Variants in EXT2 observed in about 807,000 individuals in gnomAD.
EXT2 encodes the protein exostosin-2.
A neutral mutation model predicts 81.6 loss-of-function variants in EXT2; 53 were observed. The ratio of observed to expected loss-of-function variants is 0.65; its 90% CI spans 0.52 to 0.82. EXT2 has a LOEUF of 0.82. EXT2 is among the 40% of genes least tolerant of loss of function. The pLI is 0.00. For synonymous variants in EXT2, 320 were observed against 340.0 expected (o/e 0.94, Z 0.65); for missense variants, 774 against 910.2 (o/e 0.85, Z 1.93).
intron 7 of EXT2, among the ~76,000 whole-genome samples, chr11:44,156,185 A>G (rs570718450): frequency 1.3e-5 from 2 of 152,082 alleles, no homozygotes; most frequent in Non-Finnish European, 2.9e-5. Context: ...AAGTGTGATT[A>G]TTAAATGACT....
chr11:44,210,841 T>C (rs1011108004), intron 10 of EXT2, among the ~76,000 whole-genome samples: 54 of 152,226 alleles, frequency 3.5e-4, no homozygotes, highest in African/African-American at 1.3e-3. Flanking sequence ...AGATATACCA[T>C]GCTTGTGGAT....
At chr11:44,239,502 C>T (rs1294809972) in intron 13 of EXT2, among the ~76,000 whole-genome samples, 6 of 149,658 alleles carry the variant, frequency 4.0e-5, no homozygotes, top group Non-Finnish European at 7.4e-5. Context: ...AAGTGATTCT[C>T]CTGCCTCCAC....
At chr11:44,127,008 A>T (rs1157842557) in intron 6 of EXT2, 53 bp downstream of exon 6, 2 of 1,602,360 alleles carry the variant, frequency 1.2e-6, no homozygotes, top group Non-Finnish European at 1.7e-6. Flanking sequence ...GTATATTACA[A>T]ATAAAATCTC....
chr11:44,103,407 A>T (rs1954013484), intron 1 of EXT2, among the ~76,000 whole-genome samples: 1 of 152,214 alleles, frequency 6.6e-6, no homozygotes, highest in Non-Finnish European at 1.5e-5. Context: ...CCTCTGGAAA[A>T]TGGAAGTGAA....
At position 44,250,588 on chromosome 11, in the gene EXT2, G is replaced by A. The variant is rs1459450139; in HGVS notation, c.*6301G>A. ...CCCGTCAGGGTGGATTACCAAATGA[G>A]CAGTTCTCTTGCCCCAGTCCCTTTC... On this transcript the variant is annotated 3_prime_UTR_variant, in exon 14 of 14. Transcript: ENST00000533608. Among the ~76,000 whole-genome samples, 1 of 152,178 alleles carries A rather than the reference G, an allele frequency of 6.6e-6. No individual in the cohort carries two copies. The highest frequency in any genetic ancestry group is 2.4e-5 in the African/African-American group (1 of 41,434).
rs1462766582 is a variant in EXT2, at chr11:44,109,273, C to G, written c.616C>G (p.Pro206Ala). 1 of 1,613,940 alleles carries G rather than the reference C, an allele frequency of 6.2e-7. No individual in the cohort carries two copies. Among genetic ancestry groups the G allele is most frequent in the East Asian group, 2.2e-5 (1 of 44,872 alleles). The part of the protein sequence containing the change: ...PPDYNTALDV[P>A]RDRALLAGGG... ...AGATTATAACACAGCCCTGGATGTC[C>G]CCAGAGACAGGTAGGAGGCATATTT... The change falls in exon 3 of 14, where the codon CCC becomes GCC. Residue 206 changes from proline to alanine, a missense_variant. By Grantham distance (27) the Pro-to-Ala change is conservative. Coordinates refer to ENST00000533608, the MANE Select transcript of EXT2 (RefSeq NM_207122.2).
chr11:44,129,029 C>T (rs571851528), intron 6 of EXT2, among the ~76,000 whole-genome samples: 3 of 152,264 alleles, frequency 2.0e-5, no homozygotes, highest in South Asian at 2.1e-4. Flanking sequence ...TGCCAAATGT[C>T]GTGAAGGAAA....
rs1211529431 is a variant in EXT2 at position 44,237,918 on chromosome 11, A to AAC, written c.2018+1544_2018+1545insCA. ...GTCTCTACTTAAAAAAAAAAAAAAA[A>AAC]AAAAAAAAAAAACATACAAAGTTAG... On this transcript the variant is annotated intron_variant, in intron 13 of 13. Transcript: ENST00000533608. Among the ~76,000 whole-genome samples, 47 of 144,896 alleles carry AAC rather than the reference A, an allele frequency of 3.2e-4. 1 individual carries two copies. The highest frequency in any genetic ancestry group is 3.0e-3 in the East Asian group (14 of 4,730).
At chr11:44,217,130 T>G (rs1431996604) in intron 10 of EXT2, among the ~76,000 whole-genome samples, 1 of 151,624 alleles carries the variant, frequency 6.6e-6, no homozygotes, top group Non-Finnish European at 1.5e-5. Flanking sequence ...TGTGAAGATC[T>G]TAGGATCATC....
In EXT2 at chr11:44,169,221, A is replaced by AAAAT. The variant is rs918963601; in HGVS notation, c.1174-2371_1174-2368dup. On this transcript the variant is annotated intron_variant, in intron 7 of 13. Coordinates refer to ENST00000533608, the MANE Select transcript of EXT2 (RefSeq NM_207122.2). ...GGTGACAGAGTGAGACTCTGTCTCA[A>AAAAT]AAATAAATAAATAAATAAATAATAA... 3.9e-5 allele frequency among the ~76,000 whole-genome samples: 6 copies of AAAAT among 152,006 alleles called. No homozygotes were observed. The South Asian group carries it at 6.2e-4, about 16-fold the overall frequency.
intron 10 of EXT2, among the ~76,000 whole-genome samples, chr11:44,228,610 G>C (rs1200095841): frequency 2.6e-5 from 4 of 152,178 alleles, no homozygotes; most frequent in Non-Finnish European, 5.9e-5. Context: ...ATTGTATCCA[G>C]CTGCTTGGAA....
intron 7 of EXT2, among the ~76,000 whole-genome samples, chr11:44,132,377 C>G (rs1182734716): frequency 6.6e-6 from 1 of 152,214 alleles, no homozygotes; most frequent in Non-Finnish European, 1.5e-5. Context: ...GAATGCTGGT[C>G]ATTTAAAACA....
chr11:44,109,807 A>G (rs1390638271), intron 3 of EXT2, among the ~76,000 whole-genome samples: 1 of 152,094 alleles, frequency 6.6e-6, no homozygotes, highest in Non-Finnish European at 1.5e-5. Flanking sequence ...TTCCTTCCAG[A>G]AAAACCTTCC....
chr11:44,124,794 G>A lies in EXT2; in HGVS notation c.749G>A (p.Arg250Gln), dbSNP rs770821909. 1.4e-5 allele frequency: 22 copies of A among 1,613,732 alleles called. No homozygotes were observed. Among genetic ancestry groups the A allele is most frequent in the African/African-American group, 1.3e-4 (10 of 74,828 alleles). Residue 250 changes from arginine (R) to glutamine (Q), a missense_variant, in exon 5 of 14, where the codon CGG (arginine) becomes CAG (glutamine). Around this residue, in one of 2 missense-constraint regions of EXT2, gnomAD observed 626 missense variants for 670.5 expected, o/e 0.93. Coordinates refer to ENST00000533608, the MANE Select transcript of EXT2 (RefSeq NM_207122.2). ...CCTGTTTTTTTCCCTTGTAGTCCAC[G>A]GCAATACTTCCTCCTGTCATCTCAG... Reference protein sequence around the residue: ...VDLPEKGPGPRQYFLLSSQVG... With the variant: ...VDLPEKGPGPQQYFLLSSQVG...
intron 2 of EXT2, 111 bp downstream of exon 2, chr11:44,108,359 G>A: frequency 8.4e-7 from 1 of 1,189,224 alleles, no homozygotes; most frequent in Non-Finnish European, 1.2e-6. Context: ...GTTTCCCGAT[G>A]CTGTCTTCTT....
At position 44,161,363 on chromosome 11, in the gene EXT2, A is replaced by G. The variant is rs1386906631; in HGVS notation, c.1174-10248A>G. Among the ~76,000 whole-genome samples, 7 of 152,288 alleles carry G rather than the reference A, an allele frequency of 4.6e-5. No individual in the cohort carries two copies. The East Asian group carries it at 1.4e-3, about 29-fold the overall frequency. ...AAAATTGTAAGCCAGGATCAATGGC[A>G]TGCACCTCTAGCCACAGCTGCTCAG... On this transcript the variant is annotated intron_variant, in intron 7 of 13. Transcript: ENST00000533608.
At chr11:44,178,003 C>T (rs1361907677) in intron 8 of EXT2, among the ~76,000 whole-genome samples, 1 of 152,134 alleles carries the variant, frequency 6.6e-6, no homozygotes, top group Non-Finnish European at 1.5e-5. Context: ...TAGATACTTC[C>T]CTGGACTTCC....
chr11:44,250,939 A>G lies in EXT2; in HGVS notation c.*6652A>G, dbSNP rs1456850907. Among the ~76,000 whole-genome samples, 1 of 152,258 alleles carries G rather than the reference A, an allele frequency of 6.6e-6. No individual in the cohort carries two copies. Among genetic ancestry groups the G allele is most frequent in the Non-Finnish European group, 1.5e-5 (1 of 68,044 alleles). On this transcript the variant is annotated 3_prime_UTR_variant, in exon 14 of 14. Coordinates refer to ENST00000533608, the MANE Select transcript of EXT2 (RefSeq NM_207122.2). ...AATTGAGGTAATTAACGAAAATTGT[A>G]CATTGGTGGCAGCACCTCCTATAGG...
intron 13 of EXT2, among the ~76,000 whole-genome samples, chr11:44,241,861 G>A (rs1182523699): frequency 6.6e-6 from 1 of 152,192 alleles, no homozygotes; most frequent in African/African-American, 2.4e-5. Flanking sequence ...TGAAAAAGTA[G>A]GAAGCACTGT....
Sources: gnomAD v4.1 joint callset for allele counts (sites outside exome capture counted in the v4.1 genomes callset) on GRCh38, gnomAD v4.1.1 for gene constraint, gnomAD v4.1.1 regional missense constraint, MANE v1.5 for transcripts, NCBI Gene and HGNC (gene_info 2026-07-23, HGNC 2026-07-21) for gene names.